ADAMTS9: variants seen among roughly 807,000 people sequenced by gnomAD.
The protein encoded by ADAMTS9 is ADAM metallopeptidase with thrombospondin type 1 motif 9, also known as A disintegrin and metalloproteinase with thrombospondin motifs 9.
In ADAMTS9, 107 loss-of-function variants were observed where a neutral mutation model predicts 257.1. That is an observed-to-expected ratio of 0.42 (90% CI 0.36 to 0.49). The LOEUF (loss-of-function observed/expected upper bound fraction) is 0.49. ADAMTS9 is among the 20% of genes least tolerant of loss of function. ADAMTS9 has a pLI of 0.03. For synonymous variants in ADAMTS9, 982 were observed against 880.9 expected (o/e 1.11, Z -2.03); for missense variants, 2,353 against 2,469.1 (o/e 0.95, Z 1.00).
At chr3:64,613,189 T>G (rs1368415487) in intron 22 of ADAMTS9, among the ~76,000 whole-genome samples, 156 bp downstream of exon 22, 1 of 152,216 alleles carries the variant, frequency 6.6e-6, no homozygotes, top group Non-Finnish European at 1.5e-5. Context: ...GCAAAATGGT[T>G]GCAGAGTTAC....
chr3:64,516,578 T>G lies in ADAMTS9; in HGVS notation c.*549A>C, dbSNP rs1003574373. ...GCATATTTTTTTCCCAGAGATCACA[T>G]GAAACTGAATACTTATTTAACATAG... On this transcript the variant is annotated 3_prime_UTR_variant, in exon 40 of 40. Coordinates refer to ENST00000498707, the MANE Select transcript of ADAMTS9 (RefSeq NM_182920.2). 2 of 152,608 alleles carry G rather than the reference T, an allele frequency of 1.3e-5. No homozygotes were observed. Among genetic ancestry groups the G allele is most frequent in the African/African-American group, 4.8e-5 (2 of 41,452 alleles). 9.5% of individuals were successfully genotyped at this position (152,608 alleles called of 1,614,324 possible).
At chr3:64,568,707 T>A in intron 28 of ADAMTS9, 172 bp from the exon 29 acceptor site, 1 of 713,030 alleles carries the variant, frequency 1.4e-6, no homozygotes, top group Non-Finnish European at 2.2e-6. Context: ...GAAGGTGGCA[T>A]TGAAAAAAAA....
rs369710088 is a variant in ADAMTS9, at chr3:64,609,126, C to T, written c.3355-2047G>A. On this transcript the variant is annotated intron_variant, in intron 22 of 39. Transcript: ENST00000498707. ...CAATAAAAGGGAACTTATTCAACAT[C>T]ATAAAGAGCAGTTAGGAAAAAAACC... 5.3e-5 allele frequency among the ~76,000 whole-genome samples: 8 copies of T among 151,848 alleles called. No individual in the cohort carries two copies. In the East Asian group the frequency reaches 9.6e-4, roughly 18 times the overall value.
Position 64,684,207 on chromosome 3 carries a change from A to C in ADAMTS9, c.516+2361T>G, listed in dbSNP as rs548616565. On this transcript the variant is annotated intron_variant, in intron 2 of 39. Coordinates refer to ENST00000498707, the MANE Select transcript of ADAMTS9 (RefSeq NM_182920.2). ...CACTGTAAATAGTCTTAAATGCCAA[A>C]TGGAGTTAGCGATCGAGGAGAAAGA... Among the ~76,000 whole-genome samples, 4 of 152,304 alleles carry C rather than the reference A, an allele frequency of 2.6e-5. No individual in the cohort carries two copies. The East Asian group carries it at 7.7e-4, about 29-fold the overall frequency.
intron 28 of ADAMTS9, among the ~76,000 whole-genome samples, chr3:64,573,040 G>A (rs140754880): frequency 7.0e-6 from 1 of 142,144 alleles, no homozygotes; most frequent in East Asian, 2.2e-4. Context: ...ATCCTCCACT[G>A]CACTCCAGCC....
intron 38 of ADAMTS9, among the ~76,000 whole-genome samples, chr3:64,528,319 C>T: frequency 6.6e-6 from 1 of 152,186 alleles, no homozygotes; most frequent in South Asian, 2.1e-4. Flanking sequence ...AGGGAACTTT[C>T]ACATTCCCAC....
intron 11 of ADAMTS9, among the ~76,000 whole-genome samples, chr3:64,647,298 C>T (rs1363224961): frequency 3.9e-5 from 6 of 151,974 alleles, no homozygotes; most frequent in African/African-American, 1.2e-4. Context: ...TTTCTAGATG[C>T]ACACTAGGTA....
intron 26 of ADAMTS9, among the ~76,000 whole-genome samples, chr3:64,600,716 G>A (rs759996340): frequency 6.6e-6 from 1 of 152,174 alleles, no homozygotes; most frequent in Non-Finnish European, 1.5e-5. Flanking sequence ...GCAAGAGAGG[G>A]GGATGGGATA....
intron 21 of ADAMTS9, among the ~76,000 whole-genome samples, chr3:64,614,226 T>C (rs1559792477): frequency 6.6e-6 from 1 of 152,252 alleles, no homozygotes; most frequent in Non-Finnish European, 1.5e-5. Flanking sequence ...TTTGAAATTA[T>C]ACTTTAGTAT....
intron 18 of ADAMTS9, 135 bp downstream of exon 18, chr3:64,622,063 T>C (rs1700121575): frequency 1.1e-6 from 1 of 952,376 alleles, no homozygotes; most frequent in East Asian, 2.9e-5. Context: ...ACCAGACACA[T>C]TCAAAGAAAA....
At chr3:64,670,699 T>C (rs1701465688) in intron 3 of ADAMTS9, among the ~76,000 whole-genome samples, 1 of 152,170 alleles carries the variant, frequency 6.6e-6, no homozygotes, top group African/African-American at 2.4e-5. Context: ...TTTTAAAAAA[T>C]GGCTGAAAGA....
rs781365176 is a variant in ADAMTS9 at position 64,658,657 on chromosome 3, T to C, written c.814A>G (p.Lys272Glu). ...ATEAFSAYGN[K>E]TDNTREKRTH... ...CTCTTTTCTCTTGTGTTGTCCGTCTTATTACCATAAGCAGAAAATGCCTCT... is the reference window on the plus strand; with the variant it reads ...CTCTTTTCTCTTGTGTTGTCCGTCTCATTACCATAAGCAGAAAATGCCTCT... The change falls in exon 4 of 40, where the codon AAG becomes GAG. Residue 272 changes from lysine to glutamate, a missense_variant. Around this residue, in one of 3 missense-constraint regions of ADAMTS9, gnomAD observed 591 missense variants for 569.6 expected, o/e 1.04. Transcript: ENST00000498707. 1 of 1,614,010 alleles carries C rather than the reference T, an allele frequency of 6.2e-7. No homozygotes were observed.
rs560437796 is a variant in ADAMTS9 at position 64,581,615 on chromosome 3, A to G, written c.4356+12643T>C. Among the ~76,000 whole-genome samples, 4 of 152,276 alleles carry G rather than the reference A, an allele frequency of 2.6e-5. No homozygotes were observed. The South Asian group carries it at 8.3e-4, about 32-fold the overall frequency. ...TGCATGTGCTCAATTTATAGCCTAGAATTACCGGTAAGATTACAGTTAGGC... is the reference window on the plus strand; with the variant it reads ...TGCATGTGCTCAATTTATAGCCTAGGATTACCGGTAAGATTACAGTTAGGC... On this transcript the variant is annotated intron_variant, in intron 28 of 39. Coordinates refer to ENST00000498707, the MANE Select transcript of ADAMTS9 (RefSeq NM_182920.2).
chr3:64,600,860 A>C (rs2084447082), intron 26 of ADAMTS9, among the ~76,000 whole-genome samples: 1 of 152,228 alleles, frequency 6.6e-6, no homozygotes, highest in South Asian at 2.1e-4. Context: ...AGTGGGAAAC[A>C]GACAGCTTCC....
chr3:64,628,949 T>C (rs1700298681), intron 16 of ADAMTS9, among the ~76,000 whole-genome samples: 1 of 152,194 alleles, frequency 6.6e-6, no homozygotes, highest in African/African-American at 2.4e-5. Flanking sequence ...TCTTGTCATC[T>C]CAGTTGATGA....
At chr3:64,626,316 C>T (rs1402396019) in intron 16 of ADAMTS9, among the ~76,000 whole-genome samples, 8 of 152,100 alleles carry the variant, frequency 5.3e-5, no homozygotes, top group Non-Finnish European at 1.2e-4. Flanking sequence ...CCAGAGTCTA[C>T]AAACTACTAA....
chr3:64,605,173 C>A (rs750162848), intron 23 of ADAMTS9, among the ~76,000 whole-genome samples: 4 of 152,104 alleles, frequency 2.6e-5, no homozygotes, highest in Non-Finnish European at 4.4e-5. Flanking sequence ...CCAAAGAAAG[C>A]CACCGGGAAC....
At chr3:64,604,559 T>C (rs2084525085) in intron 23 of ADAMTS9, among the ~76,000 whole-genome samples, 3 of 152,198 alleles carry the variant, frequency 2.0e-5, no homozygotes. Flanking sequence ...AGGGGTCAGC[T>C]TGAGGATTTT....
intron 31 of ADAMTS9, among the ~76,000 whole-genome samples, chr3:64,549,125 T>G (rs955236841): frequency 6.6e-6 from 1 of 152,194 alleles, no homozygotes; most frequent in South Asian, 2.1e-4. Context: ...TCTCCCCTCA[T>G]TGCAGGTTTC....
Sources: gnomAD v4.1 joint callset for allele counts (sites outside exome capture counted in the v4.1 genomes callset) on GRCh38, gnomAD v4.1.1 for gene constraint, gnomAD v4.1.1 regional missense constraint, MANE v1.5 for transcripts, NCBI Gene and HGNC (gene_info 2026-07-23, HGNC 2026-07-21) for gene names.